Variants in TXLNB observed in about 807,000 individuals in gnomAD.
TXLNB encodes the protein taxilin beta.
Under a neutral mutation model 57.4 loss-of-function variants are expected in TXLNB, and 37 were observed. The ratio of observed to expected loss-of-function variants is 0.64; its 90% CI spans 0.50 to 0.85. TXLNB has a LOEUF of 0.85. Among genes scored for constraint, TXLNB ranks in the 40% least tolerant of loss-of-function variants. The pLI is 0.00. For synonymous variants in TXLNB, 302 were observed against 309.6 expected, an observed-to-expected ratio of 0.98 and a Z score of 0.26; for missense variants, 848 against 825.6, an observed-to-expected ratio of 1.03 and a Z score of -0.33.
At chr6:139,296,790 G>C (rs564645034), upstream of TXLNB, among the ~76,000 whole-genome samples, 35 of 152,226 alleles carry the variant, frequency 2.3e-4, no homozygotes, top group African/African-American at 7.0e-4. Flanking sequence ...TGCGCACCTG[G>C]TAGTCGCAGC....
At chr6:139,216,360 A>C in the TXLNB span, among the ~76,000 whole-genome samples, 237 of 151,488 alleles carry the variant, frequency 1.6e-3, 7 homozygotes, top group South Asian at 0.045. Flanking sequence ...CATTCTCAGC[A>C]AACTATCGCA....
downstream of TXLNB, among the ~76,000 whole-genome samples, chr6:139,237,667 C>T (rs1219747945): frequency 6.6e-6 from 1 of 151,890 alleles, no homozygotes; most frequent in East Asian, 1.9e-4. Flanking sequence ...TGCTTGGCTT[C>T]TAGCAAGTAG....
At chr6:139,166,570 G>A in the TXLNB span, 3 of 1,614,274 alleles carry the variant, frequency 1.9e-6, no homozygotes, top group South Asian at 3.3e-5. Flanking sequence ...GCCACTTGAA[G>A]AAGGACACAG....
the TXLNB span, chr6:139,234,717 G>A: frequency 4.6e-5 from 7 of 152,274 alleles, no homozygotes; most frequent in Admixed American, 6.5e-5. Context: ...CAGTGCAGAA[G>A]AAAAATGTGG....
At chr6:139,314,356 A>C in the TXLNB span, among the ~76,000 whole-genome samples, 1 of 152,166 alleles carries the variant, frequency 6.6e-6, no homozygotes, top group Non-Finnish European at 1.5e-5. Flanking sequence ...TTAACTACAA[A>C]CATTTCTTTC....
chr6:139,194,405 G>C, the TXLNB span, among the ~76,000 whole-genome samples: 1 of 152,210 alleles, frequency 6.6e-6, no homozygotes, highest in Non-Finnish European at 1.5e-5. Flanking sequence ...GTCCAACATT[G>C]AGTTCTTGAT....
At chr6:139,192,251 A>C in the TXLNB span, among the ~76,000 whole-genome samples, 1 of 152,226 alleles carries the variant, frequency 6.6e-6, no homozygotes, top group African/African-American at 2.4e-5. Flanking sequence ...TGAGGACTGT[A>C]AACTGAGTGC....
intron 6 of TXLNB, among the ~76,000 whole-genome samples, chr6:139,256,171 AT>A (rs1428389622): frequency 2.6e-5 from 4 of 152,196 alleles, no homozygotes; most frequent in Non-Finnish European, 5.9e-5. Context: ...AATAAAAAAA[AT>A]AGTCTCTAGC....
At chr6:139,235,871 A>G (rs933889920), downstream of TXLNB, among the ~76,000 whole-genome samples, 2 of 152,194 alleles carry the variant, frequency 1.3e-5, no homozygotes, top group African/African-American at 4.8e-5. Context: ...TCAGCGGAAG[A>G]ACGCACAGGC....
the TXLNB span, chr6:139,167,373 A>G: frequency 1.4e-6 from 2 of 1,401,620 alleles, no homozygotes; most frequent in Non-Finnish European, 2.0e-6. Flanking sequence ...TAAAAACCAA[A>G]CAACAAACAA....
upstream of TXLNB, among the ~76,000 whole-genome samples, chr6:139,295,000 A>AG (rs1777365305): frequency 6.6e-6 from 1 of 152,134 alleles, no homozygotes; most frequent in Admixed American, 6.5e-5. Context: ...AAAAAAAAAA[A>AG]ATTCCATTGT....
chr6:139,219,291 C>T, the TXLNB span, among the ~76,000 whole-genome samples: 1 of 152,176 alleles, frequency 6.6e-6, no homozygotes, highest in Admixed American at 6.5e-5. Context: ...GTTTTCAGTC[C>T]AGTTGCTGGG....
downstream of TXLNB, chr6:139,239,692 T>A (rs1775879986): frequency 6.6e-6 from 1 of 151,774 alleles, no homozygotes; most frequent in Non-Finnish European, 1.5e-5. The surrounding 1 kb of genome is among the most constrained non-coding windows in gnomAD (Gnocchi z 4.7). Flanking sequence ...GAGATGGGGG[T>A]TTACTATGTT....
chr6:139,278,194 T>C (rs60617830), intron 2 of TXLNB, among the ~76,000 whole-genome samples: 3 of 152,282 alleles, frequency 2.0e-5, no homozygotes, highest in African/African-American at 4.8e-5. Flanking sequence ...CAAAGTTACA[T>C]GATTAGTGCT....
the TXLNB span, among the ~76,000 whole-genome samples, chr6:139,185,520 T>G: frequency 6.6e-6 from 1 of 152,010 alleles, no homozygotes; most frequent in Non-Finnish European, 1.5e-5. Context: ...GCTAACACGG[T>G]GAAACCCCGT....
chr6:139,184,973 T>G, the TXLNB span, among the ~76,000 whole-genome samples: 1 of 151,958 alleles, frequency 6.6e-6, no homozygotes, highest in Non-Finnish European at 1.5e-5. Context: ...ATTGGTTGAA[T>G]AAGCGCTTTA....
chr6:139,264,239 G>T (rs1562279706), intron 4 of TXLNB, among the ~76,000 whole-genome samples: 1 of 152,194 alleles, frequency 6.6e-6, no homozygotes, highest in Non-Finnish European at 1.5e-5. Flanking sequence ...ATGGTTACCA[G>T]TTAGGAGCAA....
At chr6:139,212,883 G>A in the TXLNB span, among the ~76,000 whole-genome samples, 3 of 152,112 alleles carry the variant, frequency 2.0e-5, no homozygotes, top group Non-Finnish European at 2.9e-5. Context: ...AGACAAAGAA[G>A]GCCATTACAT....
the TXLNB span, among the ~76,000 whole-genome samples, chr6:139,232,269 C>T: frequency 1.3e-5 from 2 of 152,114 alleles, no homozygotes; most frequent in African/African-American, 4.8e-5. Flanking sequence ...ATAAACATCT[C>T]ATAAGAACTC....
Sources: gnomAD v4.1 joint callset for allele counts (sites outside exome capture counted in the v4.1 genomes callset) on GRCh38, gnomAD v4.1.1 for gene constraint, Gnocchi (gnomAD v3.1) non-coding constraint, MANE v1.5 for transcripts, NCBI Gene and HGNC (gene_info 2026-07-23, HGNC 2026-07-21) for gene names.